Variants in FAM227A observed in about 807,000 individuals in gnomAD.
The protein encoded by FAM227A is family with sequence similarity 227 member A, also known as protein FAM227A.
In FAM227A, 80 loss-of-function variants were observed where a neutral mutation model predicts 74.7. That is an observed-to-expected ratio of 1.07 (90% confidence interval 0.89 to 1.29). The LOEUF (loss-of-function observed/expected upper bound fraction) is 1.29. Ranked by LOEUF, FAM227A falls within the 50% of genes most tolerant of loss-of-function variation. The probability of loss-of-function intolerance (pLI) is 0.00; values close to 1 mark genes in which losing one functional copy is unlikely to be tolerated. For synonymous variants in FAM227A, 237 were observed against 241.8 expected (o/e 0.98, Z 0.19); for missense variants, 654 against 683.4 (o/e 0.96, Z 0.48).
Position 38,613,067 on chromosome 22 carries a change from ATATAT to A in FAM227A, c.1039-5596_1039-5592del, listed in dbSNP as rs542291288. The stretch of plus-strand genomic sequence containing the variant: ...TTATATATATATTATATATATGTAA[ATATAT>A]TATATATAATTATATATATATATTA... On this transcript the variant is annotated intron_variant, in intron 11 of 16. Transcript: ENST00000535113. Among the ~76,000 whole-genome samples, 352 of 102,924 alleles carry A rather than the reference ATATAT, an allele frequency of 3.4e-3. 2 individuals carry two copies. Among genetic ancestry groups the A allele is most frequent in the African/African-American group, 8.1e-3 (211 of 26,192 alleles). The allele number at this position is 102,924 out of a possible 152,430, so 67.5% of individuals were successfully genotyped here.
intron 15 of FAM227A, among the ~76,000 whole-genome samples, chr22:38,596,714 A>G (rs1239426216): frequency 6.6e-6 from 1 of 151,976 alleles, no homozygotes; most frequent in East Asian, 1.9e-4. Context: ...TGGACAGTTC[A>G]GTGTACTATC....
At chr22:38,597,152 G>C in intron 15 of FAM227A, 52 bp downstream of exon 15, 1 of 1,524,490 alleles carries the variant, frequency 6.6e-7, no homozygotes, top group Non-Finnish European at 8.9e-7. Flanking sequence ...ATGATCGTGT[G>C]CTGCAAAAGA....
chr22:38,651,616 C>G (rs1029621207), intron 1 of FAM227A, among the ~76,000 whole-genome samples: 1 of 152,012 alleles, frequency 6.6e-6, no homozygotes, highest in African/African-American at 2.4e-5. Flanking sequence ...CCCACCTTGG[C>G]CTCTCAAAGT....
chr22:38,603,190 A>T (rs1175226729), intron 13 of FAM227A, among the ~76,000 whole-genome samples: 3 of 152,166 alleles, frequency 2.0e-5, no homozygotes, highest in Non-Finnish European at 2.9e-5. Flanking sequence ...TATTAATTTT[A>T]AAATTATTTG....
chr22:38,588,514 G>T (rs2090857457), intron 16 of FAM227A, among the ~76,000 whole-genome samples: 3 of 150,940 alleles, frequency 2.0e-5, no homozygotes, highest in Non-Finnish European at 4.4e-5. Context: ...AGCTACTCAG[G>T]AGGCTGAGGC....
intron 11 of FAM227A, chr22:38,618,519 GT>G (rs1309695868): frequency 3.3e-5 from 5 of 152,106 alleles, no homozygotes; most frequent in African/African-American, 9.7e-5. Flanking sequence ...CTTCCTTGAG[GT>G]TTTCGCTTTC....
chr22:38,628,167 A>G, intron 8 of FAM227A, 71 bp downstream of exon 8: 1 of 909,354 alleles, frequency 1.1e-6, no homozygotes, highest in Non-Finnish European at 1.8e-6. Flanking sequence ...AATGTTTAAG[A>G]CATTCTCTTG....
Position 38,636,046 on chromosome 22 carries a change from GAGAA to G in FAM227A, c.519+401_519+404del, listed in dbSNP as rs1221526953. Among the ~76,000 whole-genome samples the G allele has an allele frequency of 2.9e-3, 429 of 148,150 alleles. 2 individuals are homozygous for G. The highest frequency in any genetic ancestry group is 9.9e-3 in the African/African-American group (398 of 40,126). ...GAAAGAAGAGAGAAAGAGAAAGAGA[GAGAA>G]AGAAGGAAAGAAAGAAAGAAAAAAG... On this transcript the variant is annotated intron_variant, in intron 6 of 16. Coordinates refer to ENST00000535113, the MANE Select transcript of FAM227A (RefSeq NM_001013647.2).
At chr22:38,641,355 T>C (rs1228215742) in intron 3 of FAM227A, among the ~76,000 whole-genome samples, 2 of 152,036 alleles carry the variant, frequency 1.3e-5, no homozygotes, top group Admixed American at 6.6e-5. Context: ...TGGGTCTGCA[T>C]TGGGTCCTGA....
intron 9 of FAM227A, among the ~76,000 whole-genome samples, chr22:38,625,525 CTT>C (rs2091779561): frequency 6.6e-6 from 1 of 152,076 alleles, no homozygotes; most frequent in African/African-American, 2.4e-5. Context: ...CCGCATACTG[CTT>C]TTGAGTCCCT....
chr22:38,638,204 C>G (rs1438904134), intron 5 of FAM227A, among the ~76,000 whole-genome samples: 2 of 152,084 alleles, frequency 1.3e-5, no homozygotes, highest in African/African-American at 4.8e-5. Flanking sequence ...CAAGGAGGAT[C>G]TGAAATGGGG....
rs1448534574 is a variant in FAM227A at position 38,626,245 on chromosome 22, T to C, written c.785A>G (p.Gln262Arg). The change falls in exon 9 of 17, where the codon CAG becomes CGG. Residue 262 changes from glutamine to arginine, a missense_variant. Coordinates refer to ENST00000535113, the MANE Select transcript of FAM227A (RefSeq NM_001013647.2). ...VYTSFCCCFP[Q>R]SWFDTHEFKS... ...GAATTCGTGCGTGTCGAACCAGGAC[T>C]GTGGAAAGCAGCAACAGAAGCTGGT... The C allele has an allele frequency of 2.1e-5, 32 of 1,551,602 alleles. No individual in the cohort carries two copies. Among genetic ancestry groups the C allele is most frequent in the Non-Finnish European group, 2.6e-5 (30 of 1,146,968 alleles).
At chr22:38,588,315 C>T (rs1012475422) in intron 16 of FAM227A, among the ~76,000 whole-genome samples, 14 of 151,916 alleles carry the variant, frequency 9.2e-5, no homozygotes, top group African/African-American at 3.4e-4. Flanking sequence ...ACAGCAAGAC[C>T]CTGTCTCTAC....
chr22:38,606,309 G>A (rs2146253363), intron 12 of FAM227A, among the ~76,000 whole-genome samples: 1 of 152,272 alleles, frequency 6.6e-6, no homozygotes, highest in South Asian at 2.1e-4. Flanking sequence ...TCAGACTACA[G>A]ATGTGCACCA....
At chr22:38,631,383 T>C (rs1346499102) in intron 6 of FAM227A, among the ~76,000 whole-genome samples, 3 of 151,970 alleles carry the variant, frequency 2.0e-5, no homozygotes, top group African/African-American at 4.8e-5. Context: ...CGGGGGACTC[T>C]CAAAAGGGGG....
intron 12 of FAM227A, among the ~76,000 whole-genome samples, chr22:38,606,341 A>T (rs901562520): frequency 1.4e-4 from 21 of 151,958 alleles, no homozygotes; most frequent in South Asian, 4.2e-4. Flanking sequence ...TAATTTAAAA[A>T]TTTTTTTTGT....
At position 38,596,306 on chromosome 22, in the gene FAM227A, G is replaced by A. The variant is rs561215410; in HGVS notation, c.1532+898C>T. ...ACTGCACTCCAGCCTAGGCAACAGA[G>A]TGAGACTCTGGCTCAAAAAACAAAA... On this transcript the variant is annotated intron_variant, in intron 15 of 16. Transcript: ENST00000535113. Among the ~76,000 whole-genome samples the A allele has an allele frequency of 7.2e-5, 11 of 152,326 alleles. No individual in the cohort carries two copies. In the South Asian group the frequency reaches 2.3e-3, roughly 32 times the overall value.
chr22:38,606,871 C>G (rs760025431), intron 12 of FAM227A, among the ~76,000 whole-genome samples: 161 of 152,270 alleles, frequency 1.1e-3, no homozygotes, highest in Non-Finnish European at 1.6e-3. Flanking sequence ...CTCATCACCA[C>G]AAAAGTGGAA....
At chr22:38,641,803 T>C (rs1569235547) in intron 3 of FAM227A, among the ~76,000 whole-genome samples, 1 of 152,054 alleles carries the variant, frequency 6.6e-6, no homozygotes, top group Non-Finnish European at 1.5e-5. Context: ...CAGTTAAAAA[T>C]AAGAAACAAA....
Sources: allele counts gnomAD v4.1 joint callset (sites outside exome capture counted in the v4.1 genomes callset), GRCh38; gene constraint gnomAD v4.1.1; transcripts MANE v1.5; gene names NCBI Gene and HGNC (gene_info 2026-07-23, HGNC 2026-07-21).